PPP3CA: variants seen among roughly 807,000 people sequenced by gnomAD.
PPP3CA encodes the protein CAM-PRP catalytic subunit.
PPP3CA carries 14 observed loss-of-function variants against 66.5 expected under a neutral mutation model. The observed-to-expected ratio is 0.21, with a 90% CI of 0.14 to 0.33. The LOEUF is 0.33. Ranked by LOEUF, PPP3CA falls within the 10% of genes least tolerant of loss-of-function variation. The probability of loss-of-function intolerance (pLI) is 1.00; values close to 1 mark genes in which losing one functional copy is unlikely to be tolerated. For synonymous variants in PPP3CA, 232 were observed against 226.2 expected, an observed-to-expected ratio of 1.03 and a Z score of -0.23; for missense variants, 317 against 639.5, an observed-to-expected ratio of 0.50 and a Z score of 5.44.
chr4:101,127,118 G>T (rs1722269263), intron 2 of PPP3CA, among the ~76,000 whole-genome samples: 1 of 152,006 alleles, frequency 6.6e-6, no homozygotes, highest in Admixed American at 6.6e-5. Flanking sequence ...TTTATTCAGA[G>T]AAACCTCTAG....
chr4:101,071,352 G>A (rs1728911409), intron 8 of PPP3CA, among the ~76,000 whole-genome samples: 2 of 152,064 alleles, frequency 1.3e-5, no homozygotes, highest in South Asian at 4.1e-4. Flanking sequence ...GTTTTCCATG[G>A]AAATAATGTT....
intron 2 of PPP3CA, among the ~76,000 whole-genome samples, chr4:101,137,489 C>T (rs1190863687): frequency 6.6e-6 from 1 of 152,048 alleles, no homozygotes; most frequent in Admixed American, 6.6e-5. Flanking sequence ...TCCAGGCTCT[C>T]CCAGGTGTGC....
At chr4:101,098,585 T>G in intron 4 of PPP3CA, 73 bp from the exon 5 acceptor site, 2 of 1,438,438 alleles carry the variant, frequency 1.4e-6, no homozygotes, top group Non-Finnish European at 1.9e-6. Context: ...TTTGGTTTTT[T>G]GAGAAGTTTT....
rs185052711 is a variant in PPP3CA, at chr4:101,163,226, G to T, written c.259+32690C>A. 1.4e-4 allele frequency among the ~76,000 whole-genome samples: 21 copies of T among 152,188 alleles called. No individual in the cohort carries two copies. The East Asian group carries it at 3.9e-3, about 28-fold the overall frequency. ...CTCCAGTTCACAGTTTGCAGTAGAG[G>T]GAACAACAGCAACAAGAAACCTGAA... is the stretch of plus-strand genomic sequence containing the variant. On this transcript the variant is annotated intron_variant, in intron 2 of 13. Transcript: ENST00000394854.
intron 2 of PPP3CA, among the ~76,000 whole-genome samples, chr4:101,115,433 C>G (rs1446722517): frequency 6.6e-6 from 1 of 151,756 alleles, no homozygotes; most frequent in Non-Finnish European, 1.5e-5. Flanking sequence ...AAACAAGAAC[C>G]AATCTTGTTT....
chr4:101,312,855 C>T (rs1349869201), intron 1 of PPP3CA, among the ~76,000 whole-genome samples: 1 of 152,138 alleles, frequency 6.6e-6, no homozygotes, highest in African/African-American at 2.4e-5. Context: ...TCATCAGAGA[C>T]ATTAAAAAGT....
intron 1 of PPP3CA, among the ~76,000 whole-genome samples, chr4:101,288,171 A>T (rs1215609026): frequency 6.6e-6 from 1 of 152,210 alleles, no homozygotes; most frequent in Non-Finnish European, 1.5e-5. Context: ...CTATATCTGA[A>T]GGCACAATAG....
chr4:101,182,882 C>G (rs1560645396), intron 2 of PPP3CA, among the ~76,000 whole-genome samples: 1 of 152,080 alleles, frequency 6.6e-6, no homozygotes, highest in Non-Finnish European at 1.5e-5. Flanking sequence ...TGCACAAGCT[C>G]TCTCTTTGCC....
At chr4:101,142,371 T>C (rs1443330268) in intron 2 of PPP3CA, among the ~76,000 whole-genome samples, 1 of 152,160 alleles carries the variant, frequency 6.6e-6, no homozygotes, top group Non-Finnish European at 1.5e-5. Flanking sequence ...AATCGTGATA[T>C]CGGCAGAGTA....
At chr4:101,132,902 C>T (rs761937772) in intron 2 of PPP3CA, among the ~76,000 whole-genome samples, 2 of 152,106 alleles carry the variant, frequency 1.3e-5, no homozygotes, top group African/African-American at 2.4e-5. Flanking sequence ...TTATCCACCA[C>T]GATAAAGTCA....
At chr4:101,339,329 G>A (rs956672461) in intron 1 of PPP3CA, among the ~76,000 whole-genome samples, 1 of 152,158 alleles carries the variant, frequency 6.6e-6, no homozygotes, top group Non-Finnish European at 1.5e-5. Context: ...AACACTCAGT[G>A]ATTAACATAT....
intron 10 of PPP3CA, among the ~76,000 whole-genome samples, chr4:101,045,859 T>C (rs889442155): frequency 2.0e-5 from 3 of 152,204 alleles, no homozygotes; most frequent in East Asian, 3.9e-4. Context: ...AAAGCAAATA[T>C]AGTCAATTAT....
At chr4:101,199,462 A>C (rs1023706204) in intron 1 of PPP3CA, among the ~76,000 whole-genome samples, 3 of 152,218 alleles carry the variant, frequency 2.0e-5, no homozygotes, top group African/African-American at 7.2e-5. Flanking sequence ...TCTTTCCAAA[A>C]CAATTTTTTT....
At chr4:101,036,710 C>T (rs1439907775) in intron 11 of PPP3CA, among the ~76,000 whole-genome samples, 1 of 152,230 alleles carries the variant, frequency 6.6e-6, no homozygotes, top group African/African-American at 2.4e-5. Context: ...CCGCACCCAG[C>T]CTTATGTCCA....
At chr4:101,189,700 A>AC (rs1724533029) in intron 2 of PPP3CA, among the ~76,000 whole-genome samples, 1 of 151,244 alleles carries the variant, frequency 6.6e-6, no homozygotes, top group African/African-American at 2.4e-5. Flanking sequence ...AAAAAAAAAA[A>AC]AAAACAAAAC....
intron 1 of PPP3CA, among the ~76,000 whole-genome samples, chr4:101,313,589 C>A (rs1340170740): frequency 2.0e-5 from 3 of 152,066 alleles, no homozygotes; most frequent in African/African-American, 7.2e-5. Context: ...TCCTAACTAG[C>A]CTCTTTGGCA....
chr4:101,272,745 T>C (rs1727373798), intron 1 of PPP3CA, among the ~76,000 whole-genome samples: 1 of 152,248 alleles, frequency 6.6e-6, no homozygotes. Context: ...AGTAAGGAAG[T>C]GTTTATTAAA....
At chr4:101,092,608 C>T (rs1578438654) in intron 6 of PPP3CA, among the ~76,000 whole-genome samples, 1 of 151,890 alleles carries the variant, frequency 6.6e-6, no homozygotes, top group East Asian at 1.9e-4. Flanking sequence ...CCTGACAGGC[C>T]CTGGTGTGTG....
intron 1 of PPP3CA, among the ~76,000 whole-genome samples, chr4:101,214,514 C>G (rs78433570): frequency 6.6e-6 from 1 of 152,002 alleles, no homozygotes; most frequent in Admixed American, 6.6e-5. Context: ...TAATGATAGG[C>G]CACCATTCAA....
Sources: allele counts gnomAD v4.1 joint callset (sites outside exome capture counted in the v4.1 genomes callset), GRCh38; gene constraint gnomAD v4.1.1; transcripts MANE v1.5; gene names NCBI Gene and HGNC (gene_info 2026-07-23, HGNC 2026-07-21).